The following TENM4 variants were observed in gnomAD, a reference collection of about 807,000 sequenced individuals.
TENM4 encodes the protein teneurin-4.
A neutral mutation model predicts 243.3 loss-of-function variants in TENM4; 82 were observed. That is an observed-to-expected ratio of 0.34 (90% CI 0.28 to 0.40). The LOEUF is 0.40. Among genes scored for constraint, TENM4 ranks in the 10% least tolerant of loss-of-function variants. TENM4 has a pLI of 1.00. For synonymous variants in TENM4, 1,412 were observed against 1,456.3 expected, an observed-to-expected ratio of 0.97 and a Z score of 0.69; for missense variants, 3,138 against 3,673.3, an observed-to-expected ratio of 0.85 and a Z score of 3.77.
At chr11:78,982,497 C>G (rs1857821522) in intron 6 of TENM4, among the ~76,000 whole-genome samples, 1 of 152,072 alleles carries the variant, frequency 6.6e-6, no homozygotes, top group South Asian at 2.1e-4. Flanking sequence ...TCAGAGGGTC[C>G]CCTGCAGTGA....
chr11:79,039,987 G>T (rs975028310), intron 6 of TENM4, among the ~76,000 whole-genome samples: 16 of 151,256 alleles, frequency 1.1e-4, no homozygotes, highest in African/African-American at 3.9e-4. Flanking sequence ...TGAATCTTTT[G>T]GGGACCACTA....
intron 4 of TENM4, among the ~76,000 whole-genome samples, chr11:79,106,519 T>C (rs1196187960): frequency 6.6e-6 from 1 of 152,212 alleles, no homozygotes; most frequent in African/African-American, 2.4e-5. Flanking sequence ...AAGAAGCATG[T>C]GAGGAAAGAG....
At chr11:78,932,752 A>G (rs534054130) in intron 6 of TENM4, among the ~76,000 whole-genome samples, 2 of 152,264 alleles carry the variant, frequency 1.3e-5, no homozygotes, top group Admixed American at 1.3e-4. Context: ...TCAGATCATC[A>G]GGCATTAGAT....
chr11:79,373,523 T>C (rs1365431878), intron 1 of TENM4, among the ~76,000 whole-genome samples: 1 of 151,844 alleles, frequency 6.6e-6, no homozygotes, highest in Non-Finnish European at 1.5e-5. Flanking sequence ...GGTAGATACA[T>C]GGGTGGGTGG....
intron 15 of TENM4, among the ~76,000 whole-genome samples, chr11:78,789,104 C>T (rs774545900): frequency 4.6e-5 from 7 of 152,138 alleles, no homozygotes; most frequent in Non-Finnish European, 8.8e-5. Context: ...CACCTCCATC[C>T]CGGGTACCAA....
chr11:78,895,518 C>T (rs953875817), intron 7 of TENM4, among the ~76,000 whole-genome samples: 2 of 152,046 alleles, frequency 1.3e-5, no homozygotes, highest in Admixed American at 1.3e-4. Flanking sequence ...ACCCAGGCAC[C>T]CTGACTTCCA....
chr11:79,002,103 C>G (rs1216322496), intron 6 of TENM4, among the ~76,000 whole-genome samples: 1 of 152,196 alleles, frequency 6.6e-6, no homozygotes, highest in Admixed American at 6.5e-5. Flanking sequence ...TCCCCACCCC[C>G]CCACTGATAC....
At chr11:78,838,386 A>AAACT (rs1858168965) in intron 12 of TENM4, among the ~76,000 whole-genome samples, 1 of 150,840 alleles carries the variant, frequency 6.6e-6, no homozygotes, top group Non-Finnish European at 1.5e-5. Flanking sequence ...AAGTTTTATA[A>AAACT]GACATGTGGA....
intron 3 of TENM4, among the ~76,000 whole-genome samples, chr11:79,171,035 G>T (rs1863028640): frequency 6.6e-6 from 1 of 152,140 alleles, no homozygotes. Context: ...CCAGCCCCGT[G>T]AGTATGATGT....
At chr11:78,823,492 G>A (rs527196) in intron 12 of TENM4, among the ~76,000 whole-genome samples, 66,037 of 151,672 alleles carry the variant, frequency 0.44, 14,990 homozygotes, top group Middle Eastern at 0.54. Context: ...CAGGAGCCAA[G>A]GGGTGTGATA....
chr11:79,059,321 C>G (rs903921986), intron 6 of TENM4, among the ~76,000 whole-genome samples: 2 of 152,202 alleles, frequency 1.3e-5, no homozygotes, highest in African/African-American at 4.8e-5. Flanking sequence ...GGGAATGCCT[C>G]TCTCAGATCC....
chr11:78,797,977 T>C (rs912059387), intron 15 of TENM4, among the ~76,000 whole-genome samples: 2 of 152,254 alleles, frequency 1.3e-5, no homozygotes, highest in Non-Finnish European at 1.5e-5. Flanking sequence ...GAGAAGCTAA[T>C]GCTTCTCAGA....
At chr11:78,982,999 G>A (rs889292895) in intron 6 of TENM4, among the ~76,000 whole-genome samples, 1 of 152,202 alleles carries the variant, frequency 6.6e-6, no homozygotes. Context: ...GACCTTTCCC[G>A]AGGCACTTGG....
chr11:78,706,049 T>A (rs1012825813), intron 27 of TENM4, among the ~76,000 whole-genome samples: 3 of 152,230 alleles, frequency 2.0e-5, no homozygotes, highest in African/African-American at 7.2e-5. Flanking sequence ...GGTACAGGGC[T>A]CTACATTTAT....
At chr11:79,329,873 C>T (rs1857034040) in intron 1 of TENM4, among the ~76,000 whole-genome samples, 1 of 152,190 alleles carries the variant, frequency 6.6e-6, no homozygotes, top group Admixed American at 6.5e-5. Flanking sequence ...AAGGGAATGA[C>T]AGCAGCTGAT....
At chr11:78,909,842 C>T (rs1856146229) in intron 6 of TENM4, among the ~76,000 whole-genome samples, 1 of 152,228 alleles carries the variant, frequency 6.6e-6, no homozygotes, top group South Asian at 2.1e-4. Flanking sequence ...GACACTGGGG[C>T]AGGCCCAGGT....
intron 6 of TENM4, among the ~76,000 whole-genome samples, chr11:78,927,865 C>CTT (rs1856584933): frequency 6.6e-6 from 1 of 151,792 alleles, no homozygotes; most frequent in Admixed American, 6.6e-5. Flanking sequence ...CTCTCTCTCT[C>CTT]TCTCTTTTAA....
At chr11:78,903,548 CGGCGGT>C in intron 6 of TENM4, 25 bp from the exon 7 acceptor site, 11 of 1,542,520 alleles carry the variant, frequency 7.1e-6, no homozygotes, top group Non-Finnish European at 9.6e-6. Flanking sequence ...TGGCGGTCAG[CGGCGGT>C]GAGCTTGGTG....
intron 2 of TENM4, among the ~76,000 whole-genome samples, chr11:79,285,470 T>C (rs1177526366): frequency 6.6e-6 from 1 of 152,210 alleles, no homozygotes. Flanking sequence ...ATGTTAATCA[T>C]AGTGTTGCCA....
Sources: allele counts gnomAD v4.1 joint callset (sites outside exome capture counted in the v4.1 genomes callset), GRCh38; gene constraint gnomAD v4.1.1; transcripts MANE v1.5; gene names NCBI Gene and HGNC (gene_info 2026-07-23, HGNC 2026-07-21).